FRMD3: variants seen among roughly 807,000 people sequenced by gnomAD.
FRMD3 encodes FERM domain containing 3, also known as FERM domain-containing protein 3.
A neutral mutation model predicts 70.2 loss-of-function variants in FRMD3; 33 were observed. The ratio of observed to expected loss-of-function variants is 0.47; its 90% CI spans 0.36 to 0.63. The LOEUF is 0.63. Among genes scored for constraint, FRMD3 ranks in the 20% least tolerant of loss-of-function variants. The pLI, the probability that FRMD3 is intolerant of heterozygous loss-of-function variation, is 0.00. For synonymous variants in FRMD3, 279 were observed against 255.9 expected, an observed-to-expected ratio of 1.09 and a Z score of -0.86; for missense variants, 632 against 711.4, an observed-to-expected ratio of 0.89 and a Z score of 1.27.
chr9:83,366,444 G>A (rs963714245), intron 3 of FRMD3, among the ~76,000 whole-genome samples: 43 of 152,214 alleles, frequency 2.8e-4, no homozygotes, highest in African/African-American at 1.0e-3. Context: ...ATGGTGGCAG[G>A]TGCCTGTAAT....
In FRMD3 at chr9:83,287,807, G is replaced by C. The variant is rs116302027; in HGVS notation, c.1195+2796C>G. ...TCCAGTAGGGCACACAGAAAAGTGG[G>C]CACACAATTCAATCAGCAGAGGCAG... On this transcript the variant is annotated intron_variant, in intron 13 of 13. Coordinates refer to ENST00000304195, the MANE Select transcript of FRMD3 (RefSeq NM_174938.6). Among the ~76,000 whole-genome samples the C allele has an allele frequency of 6.4e-3, 972 of 152,334 alleles. 12 individuals are homozygous for C. Among genetic ancestry groups the C allele is most frequent in the African/African-American group, 0.021 (862 of 41,578 alleles).
intron 1 of FRMD3, among the ~76,000 whole-genome samples, chr9:83,416,719 AG>A (rs1826452009): frequency 6.7e-6 from 1 of 149,128 alleles, no homozygotes; most frequent in Admixed American, 6.7e-5. Context: ...AAGAGACTAC[AG>A]GATGTCCCTA....
At chr9:83,547,275 T>G in the FRMD3 span, among the ~76,000 whole-genome samples, 1 of 148,608 alleles carries the variant, frequency 6.7e-6, no homozygotes, top group Non-Finnish European at 1.5e-5. Context: ...TGACCTTCTT[T>G]GTCATTATAT....
intron 1 of FRMD3, among the ~76,000 whole-genome samples, chr9:83,498,492 T>G (rs556072153): frequency 6.6e-6 from 1 of 152,300 alleles, no homozygotes; most frequent in South Asian, 2.1e-4. Flanking sequence ...AACAAGTAGT[T>G]CATGTGCTCC....
At chr9:83,553,759 T>C in the FRMD3 span, among the ~76,000 whole-genome samples, 1 of 152,196 alleles carries the variant, frequency 6.6e-6, no homozygotes, top group South Asian at 2.1e-4. Context: ...CCTGTACCAC[T>C]TTATTGTGAT....
At chr9:83,373,799 G>C (rs1825057920) in intron 2 of FRMD3, among the ~76,000 whole-genome samples, 1 of 152,166 alleles carries the variant, frequency 6.6e-6, no homozygotes, top group Non-Finnish European at 1.5e-5. Flanking sequence ...CCTGAGGTCA[G>C]GGAGCTCTCC....
intron 4 of FRMD3, among the ~76,000 whole-genome samples, chr9:83,345,222 T>TC (rs1823915742): frequency 6.6e-6 from 1 of 152,240 alleles, no homozygotes; most frequent in Admixed American, 6.5e-5. Context: ...ACAATCTTTG[T>TC]CCCCAGTTTA....
chr9:83,579,483 T>C, the FRMD3 span, among the ~76,000 whole-genome samples: 1 of 151,950 alleles, frequency 6.6e-6, no homozygotes, highest in Non-Finnish European at 1.5e-5. Context: ...AACCCACACA[T>C]ATACAGTCAA....
At chr9:83,254,943 A>G (rs1186229042) in intron 13 of FRMD3, among the ~76,000 whole-genome samples, 1 of 152,216 alleles carries the variant, frequency 6.6e-6, no homozygotes, top group African/African-American at 2.4e-5. Context: ...ACTGAATTCT[A>G]CCAGAGGTAC....
the FRMD3 span, among the ~76,000 whole-genome samples, chr9:83,549,302 G>C: frequency 4.6e-5 from 7 of 152,130 alleles, no homozygotes; most frequent in Admixed American, 6.5e-5. Context: ...TTTTATGACT[G>C]CATAATATTC....
At chr9:83,454,854 G>A (rs1827774080) in intron 1 of FRMD3, among the ~76,000 whole-genome samples, 1 of 152,144 alleles carries the variant, frequency 6.6e-6, no homozygotes, top group Admixed American at 6.5e-5. Context: ...CTAGTGTAAT[G>A]TGACAGAGAA....
At chr9:83,501,965 C>G (rs1829078788) in intron 1 of FRMD3, among the ~76,000 whole-genome samples, 1 of 152,166 alleles carries the variant, frequency 6.6e-6, no homozygotes, top group Admixed American at 6.6e-5. Context: ...AAGTCAAGCA[C>G]CAAAATTTGT....
intron 6 of FRMD3, among the ~76,000 whole-genome samples, chr9:83,315,439 A>C (rs1355937773): frequency 6.6e-6 from 1 of 152,078 alleles, no homozygotes; most frequent in Non-Finnish European, 1.5e-5. Context: ...TGTAATCCCC[A>C]ACGTTGGAGG....
rs537254819 is a variant in FRMD3 at position 83,400,369 on chromosome 9, T to C, written c.148-10661A>G. On this transcript the variant is annotated intron_variant, in intron 1 of 13. Transcript: ENST00000304195. ...TGTACAAAATCTATATCAGGAAAACTACCAAAATTTGGATGAAAGAAATAA... is the reference window on the plus strand; with the variant it reads ...TGTACAAAATCTATATCAGGAAAACCACCAAAATTTGGATGAAAGAAATAA... 2.6e-5 allele frequency among the ~76,000 whole-genome samples: 4 copies of C among 152,302 alleles called. No homozygotes were observed. In the East Asian group the frequency reaches 7.7e-4, roughly 29 times the overall value.
At chr9:83,539,484 A>G (rs1829972206), upstream of FRMD3, among the ~76,000 whole-genome samples, 1 of 152,192 alleles carries the variant, frequency 6.6e-6, no homozygotes, top group South Asian at 2.1e-4. Flanking sequence ...AGGAAGGAAC[A>G]TTTGTTAGAA....
intron 1 of FRMD3, among the ~76,000 whole-genome samples, chr9:83,535,141 G>A (rs920718591): frequency 1.3e-5 from 2 of 152,150 alleles, no homozygotes; most frequent in African/African-American, 4.8e-5. Context: ...CAAAAGAAGG[G>A]AATAATACCT....
chr9:83,317,043 A>T (rs1016847575), intron 6 of FRMD3, among the ~76,000 whole-genome samples: 12 of 151,804 alleles, frequency 7.9e-5, no homozygotes, highest in East Asian at 1.9e-4. Context: ...TTCTAAAAAA[A>T]TTTTTTTTTA....
At chr9:83,310,817 C>T (rs1010635333) in intron 8 of FRMD3, among the ~76,000 whole-genome samples, 1 of 152,096 alleles carries the variant, frequency 6.6e-6, no homozygotes, top group Non-Finnish European at 1.5e-5. Context: ...CTCTAGTGTT[C>T]GTGAACATTA....
chr9:83,525,544 T>C (rs1829667814), intron 1 of FRMD3, among the ~76,000 whole-genome samples: 1 of 152,224 alleles, frequency 6.6e-6, no homozygotes, highest in South Asian at 2.1e-4. Context: ...ATAACATGTT[T>C]AATTTTGTAG....
Sources: allele counts gnomAD v4.1 joint callset (sites outside exome capture counted in the v4.1 genomes callset), GRCh38; gene constraint gnomAD v4.1.1; transcripts MANE v1.5; gene names NCBI Gene and HGNC (gene_info 2026-07-23, HGNC 2026-07-21).